Variants in ZMIZ1 observed in about 807,000 individuals in gnomAD.
ZMIZ1 encodes zinc finger MIZ domain-containing protein 1.
ZMIZ1 carries 17 observed loss-of-function variants against 113.9 expected under a neutral mutation model. The ratio of observed to expected loss-of-function variants is 0.15; its 90% CI spans 0.10 to 0.22. ZMIZ1 has a LOEUF of 0.22. Ranked by LOEUF, ZMIZ1 falls within the 10% of genes least tolerant of loss-of-function variation. ZMIZ1 has a pLI of 1.00. For synonymous variants in ZMIZ1, 607 were observed against 603.1 expected, an observed-to-expected ratio of 1.01 and a Z score of -0.09; for missense variants, 1,059 against 1,477.8, an observed-to-expected ratio of 0.72 and a Z score of 4.65.
At chr10:79,199,170 G>A (rs1246159068) in intron 4 of ZMIZ1, among the ~76,000 whole-genome samples, 1 of 151,774 alleles carries the variant, frequency 6.6e-6, no homozygotes, top group African/African-American at 2.4e-5. Context: ...GATGTTAGTT[G>A]GATAATGCTT....
At chr10:79,133,695 C>T (rs899143055) in intron 2 of ZMIZ1, among the ~76,000 whole-genome samples, 1 of 152,204 alleles carries the variant, frequency 6.6e-6, no homozygotes, top group Non-Finnish European at 1.5e-5. Context: ...TCCTTGGGCA[C>T]TGAAGCTCCC....
intron 4 of ZMIZ1, among the ~76,000 whole-genome samples, chr10:79,168,155 A>T (rs1346300714): frequency 6.6e-6 from 1 of 152,142 alleles, no homozygotes; most frequent in Non-Finnish European, 1.5e-5. Flanking sequence ...TGCTCCATTT[A>T]TGATCTACCT....
At position 79,145,186 on chromosome 10, in the gene ZMIZ1, T is replaced by C. The variant is rs191172147; in HGVS notation, c.-131+5409T>C. On this transcript the variant is annotated intron_variant, in intron 3 of 24. Transcript: ENST00000334512. ...TCTTCTCTCTATTCCGCTCATGGCCTTGCCTCTCACTCTTCCTCCCTTTCT... is the reference window on the plus strand; with the variant it reads ...TCTTCTCTCTATTCCGCTCATGGCCCTGCCTCTCACTCTTCCTCCCTTTCT... Among the ~76,000 whole-genome samples, 9 of 152,198 alleles carry C rather than the reference T, an allele frequency of 5.9e-5. 1 individual carries two copies. The East Asian group carries it at 9.6e-4, about 16-fold the overall frequency.
At chr10:79,281,996 T>G (rs1211170247) in intron 8 of ZMIZ1, among the ~76,000 whole-genome samples, 2 of 152,192 alleles carry the variant, frequency 1.3e-5, no homozygotes, top group Admixed American at 1.3e-4. Flanking sequence ...TTTTTCCCAT[T>G]TAATAGCCCG....
At chr10:79,083,518 C>T (rs941023439) in intron 1 of ZMIZ1, among the ~76,000 whole-genome samples, 2 of 152,128 alleles carry the variant, frequency 1.3e-5, no homozygotes, top group African/African-American at 4.8e-5. Context: ...ACTTCATGCT[C>T]AGTGATTTGG....
At chr10:79,267,313 T>G (rs1851667311) in intron 7 of ZMIZ1, among the ~76,000 whole-genome samples, 1 of 152,234 alleles carries the variant, frequency 6.6e-6, no homozygotes, top group African/African-American at 2.4e-5. Flanking sequence ...TGCATGATTT[T>G]CTTGGAGATG....
intron 10 of ZMIZ1, 57 bp downstream of exon 10, chr10:79,291,233 A>G: frequency 1.3e-6 from 2 of 1,506,556 alleles, no homozygotes; most frequent in African/African-American, 1.4e-5. Context: ...TCCTCCTTCC[A>G]GTGGGGAGGG....
chr10:79,218,605 G>GTGTC (rs397721459), intron 7 of ZMIZ1, among the ~76,000 whole-genome samples: 1 of 142,432 alleles, frequency 7.0e-6, no homozygotes, highest in Non-Finnish European at 1.6e-5. Flanking sequence ...GTGTGTGTGT[G>GTGTC]TCTGTCTGTC....
At chr10:79,238,388 G>A (rs1186802010) in intron 7 of ZMIZ1, among the ~76,000 whole-genome samples, 1 of 152,206 alleles carries the variant, frequency 6.6e-6, no homozygotes, top group East Asian at 1.9e-4. Context: ...AGGAAGGGGA[G>A]CGGGGTAGAG....
At chr10:79,305,350 G>T (rs1277065322) in intron 20 of ZMIZ1, 119 bp downstream of exon 20, 12 of 1,306,920 alleles carry the variant, frequency 9.2e-6, no homozygotes, top group Non-Finnish European at 1.3e-5. Flanking sequence ...CATGGCAGAG[G>T]GGCTCAGGTT....
intron 7 of ZMIZ1, among the ~76,000 whole-genome samples, chr10:79,266,014 C>T (rs1469671447): frequency 3.3e-5 from 5 of 152,234 alleles, no homozygotes; most frequent in Non-Finnish European, 5.9e-5. Flanking sequence ...CCCATATCAC[C>T]TGCAAGATTG....
chr10:79,167,031 A>G (rs1023074596), intron 4 of ZMIZ1, among the ~76,000 whole-genome samples: 29 of 151,876 alleles, frequency 1.9e-4, no homozygotes, highest in African/African-American at 5.8e-4. Context: ...CCTCTTCTTC[A>G]TCACACCTTC....
intron 8 of ZMIZ1, among the ~76,000 whole-genome samples, 191 bp downstream of exon 8, chr10:79,277,516 G>A (rs984789988): frequency 3.3e-5 from 5 of 152,232 alleles, no homozygotes; most frequent in African/African-American, 9.6e-5. Flanking sequence ...TGAAAGCACT[G>A]AGTTTGTCAC....
At chr10:79,099,712 C>T (rs1843293920) in intron 1 of ZMIZ1, among the ~76,000 whole-genome samples, 1 of 152,140 alleles carries the variant, frequency 6.6e-6, no homozygotes, top group African/African-American at 2.4e-5. Flanking sequence ...AGGTGATGTG[C>T]CTGGGAAGCA....
At chr10:79,173,813 G>C (rs1846704232) in intron 4 of ZMIZ1, among the ~76,000 whole-genome samples, 1 of 152,156 alleles carries the variant, frequency 6.6e-6, no homozygotes, top group Non-Finnish European at 1.5e-5. Flanking sequence ...TAGGTAATAT[G>C]CTCGTGATCA....
chr10:79,182,825 A>G (rs191841611), intron 4 of ZMIZ1, among the ~76,000 whole-genome samples: 2 of 152,268 alleles, frequency 1.3e-5, no homozygotes, highest in East Asian at 3.9e-4. Flanking sequence ...TAAATCTTGA[A>G]CACTTAGTGC....
intron 22 of ZMIZ1, 86 bp downstream of exon 22, chr10:79,306,430 C>A: frequency 6.4e-7 from 1 of 1,554,776 alleles, no homozygotes. Context: ...CTGATGGTGG[C>A]AGGGGTCGGG....
intron 4 of ZMIZ1, 61 bp from the exon 5 acceptor site, chr10:79,201,523 G>C: frequency 7.9e-7 from 1 of 1,271,434 alleles, no homozygotes; most frequent in Non-Finnish European, 1.1e-6. Context: ...GCAGTTGGGA[G>C]GCTGCTCAAG....
At chr10:79,265,469 T>A in intron 7 of ZMIZ1, among the ~76,000 whole-genome samples, 1 of 88,424 alleles carries the variant, frequency 1.1e-5, no homozygotes, top group Non-Finnish European at 2.1e-5. Context: ...TTTTCTTTTC[T>A]TTTTTTTTTT....
Sources: gnomAD v4.1 joint callset for allele counts (sites outside exome capture counted in the v4.1 genomes callset) on GRCh38, gnomAD v4.1.1 for gene constraint, MANE v1.5 for transcripts, NCBI Gene and HGNC (gene_info 2026-07-23, HGNC 2026-07-21) for gene names.